IGF1R: variants seen among roughly 807,000 people sequenced by gnomAD.
The protein encoded by IGF1R is insulin like growth factor 1 receptor.
IGF1R carries 44 observed loss-of-function variants against 144.6 expected under a neutral mutation model. The observed-to-expected ratio is 0.30, with a 90% CI of 0.24 to 0.39. The LOEUF (loss-of-function observed/expected upper bound fraction) is 0.39. Among genes scored for constraint, IGF1R ranks in the 10% least tolerant of loss-of-function variants. The pLI is 1.00. For missense variants in IGF1R, 1,355 were observed against 1,833.7 expected (o/e 0.74, Z 4.77); for synonymous variants, 795 against 722.8 (o/e 1.10, Z -1.60).
At chr15:98,862,011 G>A (rs2012183680) in intron 2 of IGF1R, among the ~76,000 whole-genome samples, 1 of 152,180 alleles carries the variant, frequency 6.6e-6, no homozygotes, top group Non-Finnish European at 1.5e-5. Flanking sequence ...GAAAAAAGTA[G>A]ATCAAGCTTT....
At chr15:98,713,353 C>T (rs1421495438) in intron 2 of IGF1R, among the ~76,000 whole-genome samples, 1 of 152,198 alleles carries the variant, frequency 6.6e-6, no homozygotes, top group African/African-American at 2.4e-5. Context: ...CGTATCCTGG[C>T]AGTCTTCGGT....
intron 19 of IGF1R, among the ~76,000 whole-genome samples, chr15:98,948,065 G>C (rs906455213): frequency 5.3e-5 from 8 of 152,162 alleles, no homozygotes; most frequent in African/African-American, 1.9e-4. Flanking sequence ...GAACCACCTG[G>C]GTAGAGGTTT....
chr15:98,689,230 A>G (rs897503953), intron 1 of IGF1R, among the ~76,000 whole-genome samples: 9 of 145,324 alleles, frequency 6.2e-5, no homozygotes, highest in Non-Finnish European at 1.3e-4. Context: ...GGACAGTTGC[A>G]CTACTTTTTT....
intron 11 of IGF1R, among the ~76,000 whole-genome samples, chr15:98,923,300 C>T (rs1488120586): frequency 6.6e-6 from 1 of 152,268 alleles, no homozygotes; most frequent in Non-Finnish European, 1.5e-5. Flanking sequence ...AGGGCTTGCC[C>T]TGCTCTTAGC....
chr15:98,673,056 G>C (rs558201071), intron 1 of IGF1R, among the ~76,000 whole-genome samples: 2 of 152,212 alleles, frequency 1.3e-5, no homozygotes, highest in African/African-American at 4.8e-5. Context: ...GTGCAGTGGT[G>C]TGATCATGGC....
chr15:98,925,570 G>T (rs995021399), intron 13 of IGF1R, among the ~76,000 whole-genome samples: 13 of 152,170 alleles, frequency 8.5e-5, no homozygotes, highest in Non-Finnish European at 1.9e-4. Context: ...ATCTTTCCTG[G>T]TGTCCACATT....
chr15:98,655,898 G>A (rs1386527117), intron 1 of IGF1R, among the ~76,000 whole-genome samples: 2 of 152,170 alleles, frequency 1.3e-5, no homozygotes, highest in East Asian at 1.9e-4. Flanking sequence ...GTACAGACGA[G>A]GTTTTGCTAT....
intron 2 of IGF1R, among the ~76,000 whole-genome samples, chr15:98,800,470 C>G (rs2056336931): frequency 6.6e-6 from 1 of 151,768 alleles, no homozygotes; most frequent in African/African-American, 2.4e-5. Context: ...CTTGGCAACC[C>G]CCGTTTTACC....
chr15:98,878,687 A>AC (rs2013197384), intron 2 of IGF1R, among the ~76,000 whole-genome samples: 1 of 125,604 alleles, frequency 8.0e-6, no homozygotes, highest in East Asian at 2.8e-4. Context: ...AAAAAAAAAA[A>AC]AAAAAAAACA....
chr15:98,832,359 G>C (rs1367367660), intron 2 of IGF1R, among the ~76,000 whole-genome samples: 2 of 152,148 alleles, frequency 1.3e-5, no homozygotes, highest in Non-Finnish European at 2.9e-5. Flanking sequence ...AGGGTCCCCA[G>C]CATATTCCAG....
At chr15:98,788,054 C>CTGTGTGTGTG (rs771505030) in intron 2 of IGF1R, among the ~76,000 whole-genome samples, 181 of 142,358 alleles carry the variant, frequency 1.3e-3, no homozygotes, top group South Asian at 3.7e-3. Flanking sequence ...CTCTCTCTCT[C>CTGTGTGTGTG]TCTCTCTCTG....
chr15:98,861,654 G>C (rs1169289904), intron 2 of IGF1R, among the ~76,000 whole-genome samples: 1 of 152,200 alleles, frequency 6.6e-6, no homozygotes, highest in Non-Finnish European at 1.5e-5. Flanking sequence ...TACCACCTCT[G>C]AGCCTCTGAT....
At position 98,957,508 on chromosome 15, in the gene IGF1R, G is replaced by T. The variant is rs979424844; in HGVS notation, c.*66G>T. The T allele has an allele frequency of 5.0e-6, 8 of 1,603,592 alleles. No individual in the cohort carries two copies. The Admixed American group carries it at 1.2e-4, about 23-fold the overall frequency. On this transcript the variant is annotated 3_prime_UTR_variant, in exon 21 of 21. Coordinates refer to ENST00000650285, the MANE Select transcript of IGF1R (RefSeq NM_000875.5). ...ACGCGCAGCGGGGTGGGGGGGGAGA[G>T]AGAGTTTTAACAATCCATTCACAAG...
intron 2 of IGF1R, among the ~76,000 whole-genome samples, chr15:98,828,397 A>G (rs929290014): frequency 6.6e-6 from 1 of 152,032 alleles, no homozygotes; most frequent in Admixed American, 6.6e-5. Context: ...CTGTCCATCC[A>G]TAGGATGGTT....
In IGF1R at chr15:98,956,376, C is replaced by T. The variant is rs74032133; in HGVS notation, c.3723-685C>T. 2.7e-3 allele frequency among the ~76,000 whole-genome samples: 405 copies of T among 152,342 alleles called. 1 individual carries two copies. Among genetic ancestry groups the T allele is most frequent in the African/African-American group, 9.3e-3 (388 of 41,584 alleles). ...GTTGGAATCTGGCTTCAGGTCTACA[C>T]GGGGCCTCTCGTTTGGTCCAGAACA... On this transcript the variant is annotated intron_variant, in intron 20 of 20. Transcript: ENST00000650285.
At chr15:98,903,685 G>A (rs1377966346) in intron 5 of IGF1R, among the ~76,000 whole-genome samples, 1 of 152,184 alleles carries the variant, frequency 6.6e-6, no homozygotes, top group Admixed American at 6.5e-5. Flanking sequence ...GCAGATGAGT[G>A]GATAGAAAGA....
intron 20 of IGF1R, among the ~76,000 whole-genome samples, chr15:98,954,592 A>G (rs1410133516): frequency 6.6e-6 from 1 of 152,136 alleles, no homozygotes; most frequent in East Asian, 1.9e-4. Flanking sequence ...GAGGCGTCAC[A>G]TGGCTTGTTT....
chr15:98,823,428 G>A (rs1013638293), intron 2 of IGF1R, among the ~76,000 whole-genome samples: 4 of 152,220 alleles, frequency 2.6e-5, no homozygotes, highest in Non-Finnish European at 5.9e-5. Context: ...GCAGCAGACT[G>A]CTAGAGGACA....
chr15:98,736,368 C>T (rs957090291), intron 2 of IGF1R, among the ~76,000 whole-genome samples: 1 of 152,138 alleles, frequency 6.6e-6, no homozygotes, highest in African/African-American at 2.4e-5. Flanking sequence ...ATAATAAAAA[C>T]CCAGTGGCTT....
Sources: allele counts gnomAD v4.1 joint callset (sites outside exome capture counted in the v4.1 genomes callset), GRCh38; gene constraint gnomAD v4.1.1; transcripts MANE v1.5; gene names NCBI Gene and HGNC (gene_info 2026-07-23, HGNC 2026-07-21).